Variants in NUMBL observed in about 807,000 individuals in gnomAD.
The protein encoded by NUMBL is NUMB like endocytic adaptor protein, also known as numb-like protein.
Under a neutral mutation model 48.9 loss-of-function variants are expected in NUMBL, and 20 were observed. That is an observed-to-expected ratio of 0.41 (90% CI 0.29 to 0.59). The LOEUF (loss-of-function observed/expected upper bound fraction) is 0.59, where lower values mean the gene tolerates loss of function less well. Ranked by LOEUF, NUMBL falls within the 20% of genes least tolerant of loss-of-function variation. NUMBL has a pLI of 0.31. For missense variants in NUMBL, 660 were observed against 846.2 expected (o/e 0.78, Z 2.73); for synonymous variants, 340 against 348.7 (o/e 0.98, Z 0.28).
In NUMBL at chr19:40,667,505, GA is replaced by G; in HGVS notation, c.1792del (p.Ser598LeufsTer84). 6.3e-7 allele frequency: 1 copy of G among 1,596,016 alleles called. No individual in the cohort carries two copies. The highest frequency in any genetic ancestry group is 8.5e-7 in the Non-Finnish European group (1 of 1,171,218). On this transcript the variant is annotated frameshift_variant, in exon 10 of 10. Coordinates refer to ENST00000252891, the MANE Select transcript of NUMBL (RefSeq NM_004756.5). LOFTEE classifies it high-confidence loss of function. This position sits in a 1 kb window ranked among gnomAD's most constrained non-coding sequence, Gnocchi z 6.1. The part of the protein sequence containing the change: ...ATVEKPSNPF[S>X]GDLQKTFEIE... ...CTCGAATGTCTTTTGCAGGTCGCCA[GA>G]AAAGGGGTTGGAGGGTTTCTCTACA...
intron 9 of NUMBL, 151 bp downstream of exon 9, chr19:40,669,747 G>T (rs990318089): frequency 1.9e-5 from 18 of 953,056 alleles, no homozygotes; most frequent in Non-Finnish European, 2.4e-5. Flanking sequence ...GATGATCCAT[G>T]GTTGTAGGAT....
rs543265699 is a variant in NUMBL at position 40,682,589 on chromosome 19, C to T, written c.399+139G>A. On this transcript the variant is annotated intron_variant, in intron 5 of 9. Transcript: ENST00000252891. This position sits in a 1 kb window ranked among gnomAD's most constrained non-coding sequence, Gnocchi z 4.0. The stretch of plus-strand genomic sequence containing the variant: ...CACAGCATTTATTCCTGAGTTATGA[C>T]GACAGAGGGAGCACACGGCATCGTC... 142 of 723,748 alleles carry T rather than the reference C, an allele frequency of 2.0e-4. No individual in the cohort carries two copies. Among genetic ancestry groups the T allele is most frequent in the Non-Finnish European group, 2.8e-4 (122 of 436,316 alleles). 44.8% of individuals were successfully genotyped at this position (723,748 alleles called of 1,614,324 possible). A position where few individuals can be genotyped will look rare whatever the true frequency, so the allele number is the denominator to read the frequency against.
In NUMBL at chr19:40,671,811, G is replaced by GCCTGC. The variant is rs1262445230; in HGVS notation, c.1036+1528_1036+1532dup. 2.0e-5 allele frequency among the ~76,000 whole-genome samples: 3 copies of GCCTGC among 152,150 alleles called. No homozygotes were observed. In the East Asian group the frequency reaches 5.8e-4, roughly 29 times the overall value. ...TGCTGGTGGGGAAGACAGCCCTTCT[G>GCCTGC]CCTGCCTCCCTCAGGCAAAAACTCA... On this transcript the variant is annotated intron_variant, in intron 8 of 9. Coordinates refer to ENST00000252891, the MANE Select transcript of NUMBL (RefSeq NM_004756.5).
chr19:40,684,465 C>A lies in NUMBL; in HGVS notation c.201G>T (p.Gln67His). The A allele has an allele frequency of 1.3e-6, 2 of 1,589,004 alleles. No homozygotes were observed. The highest frequency in any genetic ancestry group is 1.1e-5 in the South Asian group (1 of 87,810). The part of the protein sequence containing the change: ...VPEASRPHQW[Q>H]ADEDAVRKGT... Reference sequence around the variant, plus strand: ...CCTTCCGCACCGCGTCCTCGTCTGCCTGCCACTGGTGCGGGCGCGACGCCT... The same window carrying A: ...CCTTCCGCACCGCGTCCTCGTCTGCATGCCACTGGTGCGGGCGCGACGCCT... The change falls in exon 3 of 10, where the codon CAG becomes CAT. Residue 67 changes from glutamine (Q) to histidine (H), a missense_variant. Around this residue, in one of 3 missense-constraint regions of NUMBL, gnomAD observed 278 missense variants for 420.6 expected, o/e 0.66. Coordinates refer to ENST00000252891, the MANE Select transcript of NUMBL (RefSeq NM_004756.5).
At chr19:40,681,263 C>G (rs117496911) in intron 5 of NUMBL, among the ~76,000 whole-genome samples, 1 of 152,086 alleles carries the variant, frequency 6.6e-6, no homozygotes, top group Admixed American at 6.5e-5. Flanking sequence ...AGAGTCATAG[C>G]CAGGATGTGA....
intron 8 of NUMBL, among the ~76,000 whole-genome samples, chr19:40,670,229 G>A (rs184091317): frequency 3.9e-5 from 6 of 152,276 alleles, no homozygotes; most frequent in Admixed American, 2.6e-4. Flanking sequence ...GACATTTGAC[G>A]GCTGACAGTA....
intron 7 of NUMBL, among the ~76,000 whole-genome samples, chr19:40,674,852 A>C (rs1181428885): frequency 2.0e-5 from 3 of 152,152 alleles, no homozygotes; most frequent in Non-Finnish European, 1.5e-5. Flanking sequence ...ATCCAACAAA[A>C]GCATGCCTGG....
Position 40,688,210 on chromosome 19 carries a change from A to G in NUMBL, c.25-1215T>C, listed in dbSNP as rs2081944262. Among the ~76,000 whole-genome samples the G allele has an allele frequency of 6.6e-6, 1 of 152,226 alleles. No individual in the cohort carries two copies. The highest frequency in any genetic ancestry group is 2.1e-4 in the South Asian group (1 of 4,836). On this transcript the variant is annotated intron_variant, in intron 1 of 9. Coordinates refer to ENST00000252891, the MANE Select transcript of NUMBL (RefSeq NM_004756.5). The surrounding 1 kb of genome is among the most constrained non-coding windows in gnomAD (Gnocchi z 4.6). Reference sequence around the variant, plus strand: ...TCACCCAGTGTCCATACACAGCTGTACCATGTCACTCCAATGCAGCGAAAC... The same window carrying G: ...TCACCCAGTGTCCATACACAGCTGTGCCATGTCACTCCAATGCAGCGAAAC...
At chr19:40,668,940 G>A (rs1295319353) in intron 9 of NUMBL, among the ~76,000 whole-genome samples, 1 of 152,184 alleles carries the variant, frequency 6.6e-6, no homozygotes, top group Non-Finnish European at 1.5e-5. Context: ...CATTTACAGT[G>A]TTTGAGATTC....
At position 40,682,988 on chromosome 19, in the gene NUMBL, G is replaced by GGT. The variant is rs754388486; in HGVS notation, c.250-21_250-20insAC. The GGT allele has an allele frequency of 6.8e-6, 11 of 1,608,648 alleles. No homozygotes were observed. The highest frequency in any genetic ancestry group is 1.7e-4 in the Middle Eastern group (1 of 6,054). On this transcript the variant is annotated intron_variant, in intron 3 of 9. Coordinates refer to ENST00000252891, the MANE Select transcript of NUMBL (RefSeq NM_004756.5). This position sits in a 1 kb window ranked among gnomAD's most constrained non-coding sequence, Gnocchi z 4.0. ...CAGGTACTTGGGTTGGAGGGAATGGGGGGGGGGACATGAAACAGCACAGTA... is the reference window on the plus strand; with the variant it reads ...CAGGTACTTGGGTTGGAGGGAATGGGGTGGGGGGGACATGAAACAGCACAGTA...
At position 40,667,467 on chromosome 19, in the gene NUMBL, G is replaced by A. The variant is rs12975396; in HGVS notation, c.*1C>T. On this transcript the variant is annotated 3_prime_UTR_variant, in exon 10 of 10. Coordinates refer to ENST00000252891, the MANE Select transcript of NUMBL (RefSeq NM_004756.5). The surrounding 1 kb of genome is among the most constrained non-coding windows in gnomAD (Gnocchi z 6.1). ...TGATGGAGTGGGTGGGGCGGCTCGGGCTACAGTTCAATCTCGAATGTCTTT... is the reference window on the plus strand; with the variant it reads ...TGATGGAGTGGGTGGGGCGGCTCGGACTACAGTTCAATCTCGAATGTCTTT... 0.12 allele frequency: 193,637 copies of A among 1,601,766 alleles called. 12,690 individuals carry two copies. The highest frequency in any genetic ancestry group is 0.17 in the Middle Eastern group (1,002 of 5,796).
At chr19:40,684,653 T>C (rs1220816955) in intron 2 of NUMBL, 97 bp from the exon 3 acceptor site, 2 of 1,449,826 alleles carry the variant, frequency 1.4e-6, no homozygotes, top group East Asian at 2.5e-5. Flanking sequence ...TGGGGTCAGA[T>C]AACAAGATAA....
chr19:40,689,238 A>G (rs2081949664), intron 1 of NUMBL, among the ~76,000 whole-genome samples: 2 of 152,146 alleles, frequency 1.3e-5, no homozygotes, highest in African/African-American at 4.8e-5. Context: ...ACCGAGGCAT[A>G]CAAACACAGG....
Position 40,667,934 on chromosome 19 carries a change from G to A in NUMBL, c.1364C>T (p.Thr455Ile). ...QQAASVAPVP[T>I]MPPALQPFPA... Reference sequence around the variant, plus strand: ...GAAAGGCTGCAGGGCAGGAGGCATGGTGGGCACTGGGGCCACTGAGGCTGC... The same window carrying A: ...GAAAGGCTGCAGGGCAGGAGGCATGATGGGCACTGGGGCCACTGAGGCTGC... Residue 455 changes from threonine to isoleucine, a missense_variant, in exon 10 of 10, where the codon ACC becomes ATC. Around this residue, in one of 3 missense-constraint regions of NUMBL, gnomAD observed 296 missense variants for 339.7 expected, o/e 0.87. Transcript: ENST00000252891. The surrounding 1 kb of genome is among the most constrained non-coding windows in gnomAD (Gnocchi z 6.1). The A allele has an allele frequency of 6.4e-7, 1 of 1,568,934 alleles. No individual in the cohort carries two copies. Among genetic ancestry groups the A allele is most frequent in the Non-Finnish European group, 8.6e-7 (1 of 1,157,068 alleles).
chr19:40,689,478 CACAT>C (rs925656825), intron 1 of NUMBL: 73 of 153,194 alleles, frequency 4.8e-4, no homozygotes, highest in Non-Finnish European at 4.1e-4. Flanking sequence ...CACACACACA[CACAT>C]ACACAGCCAC....
chr19:40,682,852 G>A lies in NUMBL; in HGVS notation c.324+42C>T. On this transcript the variant is annotated intron_variant, in intron 4 of 9. Coordinates refer to ENST00000252891, the MANE Select transcript of NUMBL (RefSeq NM_004756.5). This position sits in a 1 kb window ranked among gnomAD's most constrained non-coding sequence, Gnocchi z 4.0. ...GAGCCGGGTCAGGGTGCCTCTCCCTGTCTGACCTTGCCCCCTCCCTCATGG... is the reference window on the plus strand; with the variant it reads ...GAGCCGGGTCAGGGTGCCTCTCCCTATCTGACCTTGCCCCCTCCCTCATGG... 1 of 1,613,966 alleles carries A rather than the reference G, an allele frequency of 6.2e-7. No homozygotes were observed. Among genetic ancestry groups the A allele is most frequent in the South Asian group, 1.1e-5 (1 of 91,076 alleles).
At chr19:40,683,781 TTTTG>T (rs1599912426) in intron 3 of NUMBL, among the ~76,000 whole-genome samples, 1 of 152,210 alleles carries the variant, frequency 6.6e-6, no homozygotes, top group African/African-American at 2.4e-5. Flanking sequence ...TGTTCTGGTT[TTTTG>T]TTTGTTTTCA....
intron 9 of NUMBL, among the ~76,000 whole-genome samples, chr19:40,669,293 G>GA (rs1239191556): frequency 3.3e-5 from 5 of 152,092 alleles, no homozygotes; most frequent in Non-Finnish European, 4.4e-5. Context: ...GTTCTAAGGG[G>GA]ATCCCGTGGC....
intron 5 of NUMBL, among the ~76,000 whole-genome samples, chr19:40,681,824 C>T (rs1315905146): frequency 6.6e-6 from 1 of 151,932 alleles, no homozygotes; most frequent in East Asian, 1.9e-4. Flanking sequence ...AGGCACGCAC[C>T]ACCACGTCTG....
Sources: allele counts gnomAD v4.1 joint callset (sites outside exome capture counted in the v4.1 genomes callset), GRCh38; gene constraint gnomAD v4.1.1; regional missense constraint gnomAD v4.1.1; non-coding constraint Gnocchi (gnomAD v3.1); transcripts MANE v1.5; gene names NCBI Gene and HGNC (gene_info 2026-07-23, HGNC 2026-07-21).